Variants in AKAP19 observed in about 807,000 individuals in gnomAD.
The protein encoded by AKAP19 is A-kinase anchoring protein 19, also known as small A-kinase anchoring protein.
the AKAP19 span, among the ~76,000 whole-genome samples, chr2:190,035,454 G>A: frequency 9.9e-5 from 15 of 151,674 alleles, no homozygotes; most frequent in East Asian, 1.2e-3. Context: ...GATTATCTTC[G>A]AGATACAGAC....
chr2:190,134,312 AT>A, the AKAP19 span, among the ~76,000 whole-genome samples: 1 of 152,282 alleles, frequency 6.6e-6, no homozygotes, highest in Non-Finnish European at 1.5e-5. Flanking sequence ...CAGGGATGCA[AT>A]AGTTTTATTA....
At chr2:189,979,208 A>C in the AKAP19 span, among the ~76,000 whole-genome samples, 1 of 152,166 alleles carries the variant, frequency 6.6e-6, no homozygotes, top group Admixed American at 6.5e-5. Context: ...TAACCAAAAC[A>C]ACATGGTACT....
the AKAP19 span, among the ~76,000 whole-genome samples, chr2:189,892,521 G>C: frequency 6.6e-6 from 1 of 152,138 alleles, no homozygotes; most frequent in Non-Finnish European, 1.5e-5. Flanking sequence ...TTTGCTGGTG[G>C]TCCATTCCAG....
the AKAP19 span, among the ~76,000 whole-genome samples, chr2:190,000,110 C>T: frequency 1.3e-5 from 2 of 152,180 alleles, no homozygotes; most frequent in African/African-American, 2.4e-5. Context: ...CTTTTGATAT[C>T]TCCAGGATAT....
the AKAP19 span, among the ~76,000 whole-genome samples, chr2:190,116,641 C>G: frequency 2.0e-5 from 3 of 152,180 alleles, no homozygotes; most frequent in Non-Finnish European, 4.4e-5. Context: ...TTCCTAAGGA[C>G]CACTCACAGG....
chr2:189,924,012 G>A, the AKAP19 span: 5 of 1,576,946 alleles, frequency 3.2e-6, no homozygotes, highest in Admixed American at 1.7e-5. Context: ...GAGCAGAGCA[G>A]CAGCTCCGTG....
the AKAP19 span, among the ~76,000 whole-genome samples, chr2:190,104,374 G>T: frequency 6.6e-6 from 1 of 152,116 alleles, no homozygotes; most frequent in South Asian, 2.1e-4. Context: ...TAGAGCAAAA[G>T]AAACTATTAA....
At chr2:190,193,504 G>GT in the AKAP19 span, among the ~76,000 whole-genome samples, 24 of 152,190 alleles carry the variant, frequency 1.6e-4, no homozygotes, top group African/African-American at 5.3e-4. Context: ...AATGGCCTTG[G>GT]TAAGAGTTCT....
At chr2:189,904,136 A>T in the AKAP19 span, among the ~76,000 whole-genome samples, 1 of 152,126 alleles carries the variant, frequency 6.6e-6, no homozygotes, top group Admixed American at 6.6e-5. Context: ...AAGTTTAGTT[A>T]CATATGATGA....
the AKAP19 span, among the ~76,000 whole-genome samples, chr2:190,135,131 G>A: frequency 4.6e-5 from 7 of 151,980 alleles, no homozygotes; most frequent in Non-Finnish European, 8.8e-5. Flanking sequence ...TATCTATTTC[G>A]GCATGAATAA....
the AKAP19 span, among the ~76,000 whole-genome samples, chr2:190,005,125 A>G: frequency 2.6e-5 from 4 of 152,152 alleles, no homozygotes; most frequent in Non-Finnish European, 2.9e-5. Context: ...CTTCCCAGTG[A>G]GTGTTACAGC....
At chr2:190,177,137 C>A in the AKAP19 span, among the ~76,000 whole-genome samples, 1 of 151,844 alleles carries the variant, frequency 6.6e-6, no homozygotes, top group Non-Finnish European at 1.5e-5. This position sits in a 1 kb window ranked among gnomAD's most constrained non-coding sequence, Gnocchi z 4.6. Context: ...TTTTTTCTGT[C>A]TCCTCAGTAA....
At chr2:189,958,467 T>G in the AKAP19 span, among the ~76,000 whole-genome samples, 1 of 149,942 alleles carries the variant, frequency 6.7e-6, no homozygotes, top group Non-Finnish European at 1.5e-5. Context: ...TTGACATAAA[T>G]AATATAGTAA....
At chr2:189,937,573 A>T in the AKAP19 span, among the ~76,000 whole-genome samples, 1 of 152,250 alleles carries the variant, frequency 6.6e-6, no homozygotes, top group Admixed American at 6.5e-5. Flanking sequence ...TAGGAAAAAA[A>T]TCTAATAATC....
chr2:190,056,979 C>T, the AKAP19 span: 1 of 348,360 alleles, frequency 2.9e-6, no homozygotes, highest in Non-Finnish European at 5.3e-6. Flanking sequence ...CTTTCATTTC[C>T]TCGCCGATGT....
chr2:189,890,538 TA>T, the AKAP19 span, among the ~76,000 whole-genome samples: 1 of 152,164 alleles, frequency 6.6e-6, no homozygotes, highest in Non-Finnish European at 1.5e-5. Flanking sequence ...CTCCCACTAT[TA>T]TTGTGTGGGA....
At chr2:190,009,603 G>C in the AKAP19 span, among the ~76,000 whole-genome samples, 6 of 152,184 alleles carry the variant, frequency 3.9e-5, no homozygotes, top group African/African-American at 1.4e-4. Flanking sequence ...TGTTGAGTTT[G>C]AGATGTCTAT....
the AKAP19 span, among the ~76,000 whole-genome samples, chr2:190,154,980 C>G: frequency 1.3e-5 from 2 of 152,146 alleles, no homozygotes; most frequent in African/African-American, 4.8e-5. Context: ...CTAAGGCTTA[C>G]TTAAGAACCA....
the AKAP19 span, chr2:190,201,109 T>C: frequency 6.0e-6 from 1 of 167,032 alleles, no homozygotes; most frequent in Non-Finnish European, 1.5e-5. Flanking sequence ...GATAAAACTG[T>C]CCTTTGAGGA....
Sources: allele counts gnomAD v4.1 joint callset (sites outside exome capture counted in the v4.1 genomes callset), GRCh38; gene constraint gnomAD v4.1.1; non-coding constraint Gnocchi (gnomAD v3.1); transcripts MANE v1.5; gene names NCBI Gene and HGNC (gene_info 2026-07-23, HGNC 2026-07-21).